Variants in CYRIA observed in about 807,000 individuals in gnomAD.
CYRIA encodes CYFIP related Rac1 interactor A.
Under a neutral mutation model 43.9 loss-of-function variants are expected in CYRIA, and 15 were observed. The ratio of observed to expected loss-of-function variants is 0.34; its 90% CI spans 0.23 to 0.53. CYRIA has a LOEUF of 0.53. Among genes scored for constraint, CYRIA ranks in the 20% least tolerant of loss-of-function variants. The pLI is 0.94. For missense variants in CYRIA, 236 were observed against 394.2 expected (o/e 0.60, Z 3.40); for synonymous variants, 117 against 136.0 (o/e 0.86, Z 0.97).
chr2:16,638,705 G>A (rs16982623), intron 1 of CYRIA, among the ~76,000 whole-genome samples: 14 of 152,158 alleles, frequency 9.2e-5, no homozygotes, highest in South Asian at 6.2e-4. Context: ...CATTTTGAAC[G>A]TAGGGTTTTA....
At chr2:16,584,220 T>C (rs781397891) in intron 3 of CYRIA, among the ~76,000 whole-genome samples, 3 of 152,132 alleles carry the variant, frequency 2.0e-5, no homozygotes, top group Non-Finnish European at 2.9e-5. Context: ...TCAAGCTTCA[T>C]TCTTCTTGAC....
At chr2:16,662,928 CT>C (rs1188023984) in intron 1 of CYRIA, among the ~76,000 whole-genome samples, 1 of 152,178 alleles carries the variant, frequency 6.6e-6, no homozygotes, top group Admixed American at 6.5e-5. Context: ...AGAAATGCTG[CT>C]CATTTTTCGA....
rs151056686 is a variant in CYRIA, at chr2:16,621,658, G to C, written c.-11+2206C>G. 4.6e-5 allele frequency among the ~76,000 whole-genome samples: 7 copies of C among 152,244 alleles called. No homozygotes were observed. The East Asian group carries it at 1.2e-3, about 25-fold the overall frequency. On this transcript the variant is annotated intron_variant, in intron 2 of 11. Coordinates refer to ENST00000381323, the MANE Select transcript of CYRIA (RefSeq NM_030797.4). ...TGGGTAAAGCCCAAGTGCATTCCCC[G>C]ATCAGAGATTTAGTTCTGGCTCTTC...
At chr2:16,645,358 T>G (rs1475359205) in intron 1 of CYRIA, among the ~76,000 whole-genome samples, 1 of 152,242 alleles carries the variant, frequency 6.6e-6, no homozygotes, top group Admixed American at 6.5e-5. Context: ...TGGAACTAGG[T>G]ACCTCCCCTC....
At chr2:16,585,051 C>T (rs1667676594) in intron 3 of CYRIA, among the ~76,000 whole-genome samples, 1 of 152,074 alleles carries the variant, frequency 6.6e-6, no homozygotes. Flanking sequence ...TTCTGTGTCC[C>T]TAACACTGAG....
chr2:16,587,263 T>G (rs1199908564), intron 3 of CYRIA, among the ~76,000 whole-genome samples: 2 of 152,168 alleles, frequency 1.3e-5, no homozygotes, highest in East Asian at 3.9e-4. Flanking sequence ...TATGAATCTT[T>G]GTAAATTACT....
intron 3 of CYRIA, among the ~76,000 whole-genome samples, chr2:16,575,799 T>G (rs939118627): frequency 2.0e-5 from 3 of 151,694 alleles, no homozygotes; most frequent in Non-Finnish European, 4.4e-5. Context: ...GAGCTTGCAG[T>G]GAGCCGAGAT....
intron 4 of CYRIA, among the ~76,000 whole-genome samples, chr2:16,565,238 C>T (rs1422976195): frequency 2.0e-5 from 3 of 149,412 alleles, no homozygotes; most frequent in African/African-American, 7.4e-5. Flanking sequence ...TGCAATGGTG[C>T]GATGTGCAAC....
intron 1 of CYRIA, among the ~76,000 whole-genome samples, chr2:16,654,766 A>T (rs1670062548): frequency 6.6e-6 from 1 of 152,258 alleles, no homozygotes. Flanking sequence ...TAGAATTAAT[A>T]GGTGCTAAAT....
chr2:16,640,632 G>A (rs573465127), intron 1 of CYRIA, among the ~76,000 whole-genome samples: 4 of 152,310 alleles, frequency 2.6e-5, no homozygotes, highest in Admixed American at 2.6e-4. Flanking sequence ...GGCCTCCAGA[G>A]CTGCTTTTGC....
At position 16,561,476 on chromosome 2, in the gene CYRIA, T is replaced by C; in HGVS notation, c.493A>G (p.Asn165Asp). The C allele has an allele frequency of 6.2e-7, 1 of 1,613,846 alleles. No homozygotes were observed. Among genetic ancestry groups the C allele is most frequent in the Non-Finnish European group, 8.5e-7 (1 of 1,179,802 alleles). Residue 165 changes from asparagine (N) to aspartate (D), a missense_variant, in exon 7 of 12, where the codon AAC (asparagine) becomes GAC (aspartate). Physicochemically the swap from Asn to Asp is conservative, Grantham distance 23. This residue lies in a region of CYRIA where 193 missense variants were observed against 303.9 expected (regional missense o/e 0.64). Coordinates refer to ENST00000381323, the MANE Select transcript of CYRIA (RefSeq NM_030797.4). ...FSYYRRTISR[N>D]RINNMHLDIE... ...CTCACGTGCATGTTGTTGATGCGGT[T>C]GCGACTGATTGTTCTTCTGTAGTAG...
intron 1 of CYRIA, among the ~76,000 whole-genome samples, chr2:16,664,556 A>C (rs1670341529): frequency 1.3e-5 from 2 of 152,074 alleles, no homozygotes; most frequent in Non-Finnish European, 2.9e-5. Flanking sequence ...AGATCAGTGA[A>C]AGCCGACAAT....
At chr2:16,556,219 G>A (rs1213519269) in intron 10 of CYRIA, among the ~76,000 whole-genome samples, 2 of 152,068 alleles carry the variant, frequency 1.3e-5, no homozygotes, top group Non-Finnish European at 2.9e-5. Context: ...TAGACTGATG[G>A]AGGCTGCCAG....
intron 1 of CYRIA, among the ~76,000 whole-genome samples, chr2:16,660,936 T>C (rs1464186246): frequency 6.6e-6 from 1 of 152,200 alleles, no homozygotes; most frequent in Non-Finnish European, 1.5e-5. Context: ...GAAATTAGGC[T>C]TCCAAATTAC....
In CYRIA at chr2:16,633,038, G is replaced by A. The variant is rs570242765; in HGVS notation, c.-166-9019C>T. ...GATTCCCCACAGAAACTGACTACAG[G>A]AAAATGCAGTTTCCATGTGAGAACC... is the stretch of plus-strand genomic sequence containing the variant. On this transcript the variant is annotated intron_variant, in intron 1 of 11. Coordinates refer to ENST00000381323, the MANE Select transcript of CYRIA (RefSeq NM_030797.4). Among the ~76,000 whole-genome samples the A allele has an allele frequency of 3.9e-5, 6 of 152,288 alleles. No individual in the cohort carries two copies. In the South Asian group the frequency reaches 1.2e-3, roughly 32 times the overall value.
chr2:16,653,439 T>C (rs73215507), intron 1 of CYRIA, among the ~76,000 whole-genome samples: 1,640 of 152,296 alleles, frequency 0.011, 29 homozygotes, highest in African/African-American at 0.038. Context: ...CTATTTAAAA[T>C]AGCAACTCTT....
At chr2:16,571,640 G>A (rs1256441787) in intron 3 of CYRIA, among the ~76,000 whole-genome samples, 1 of 152,158 alleles carries the variant, frequency 6.6e-6, no homozygotes, top group Non-Finnish European at 1.5e-5. Context: ...ACATAGAGAT[G>A]TCTTTGGTTT....
At chr2:16,628,277 T>C (rs746737359) in intron 1 of CYRIA, among the ~76,000 whole-genome samples, 5 of 152,236 alleles carry the variant, frequency 3.3e-5, no homozygotes, top group Admixed American at 6.5e-5. Flanking sequence ...CATATGATTA[T>C]TCTTAATTTG....
At chr2:16,554,198 C>A (rs1666420920) in intron 11 of CYRIA, among the ~76,000 whole-genome samples, 1 of 152,014 alleles carries the variant, frequency 6.6e-6, no homozygotes, top group South Asian at 2.1e-4. Context: ...TTGATCCATC[C>A]CACTTAGACT....
Sources: allele counts gnomAD v4.1 joint callset (sites outside exome capture counted in the v4.1 genomes callset), GRCh38; gene constraint gnomAD v4.1.1; regional missense constraint gnomAD v4.1.1; transcripts MANE v1.5; gene names NCBI Gene and HGNC (gene_info 2026-07-23, HGNC 2026-07-21).